Variants in CHD7 observed in about 807,000 individuals in gnomAD.
CHD7 encodes ATP-dependent chromatin remodeler CHD7.
CHD7 carries 24 observed loss-of-function variants against 307.3 expected under a neutral mutation model. The observed-to-expected ratio is 0.08, with a 90% confidence interval of 0.06 to 0.11. The LOEUF is 0.11. Among genes scored for constraint, CHD7 ranks in the 10% least tolerant of loss-of-function variants. The pLI, the probability that CHD7 is intolerant of heterozygous loss-of-function variation, is 1.00. For synonymous variants in CHD7, 1,363 were observed against 1,349.9 expected, an observed-to-expected ratio of 1.01 and a Z score of -0.21; for missense variants, 3,106 against 3,727.1, an observed-to-expected ratio of 0.83 and a Z score of 4.34.
intron 34 of CHD7, among the ~76,000 whole-genome samples, chr8:60,859,995 T>C (rs1431633370): frequency 6.6e-6 from 1 of 151,954 alleles, no homozygotes; most frequent in East Asian, 1.9e-4. Context: ...CATTTAGGAA[T>C]ATTGCAATAA....
chr8:60,709,052 C>A (rs1393442561), intron 1 of CHD7, among the ~76,000 whole-genome samples: 2 of 152,118 alleles, frequency 1.3e-5, no homozygotes, highest in South Asian at 2.1e-4. Context: ...TTTCCTTTTG[C>A]GGAATTCCTA....
At chr8:60,850,416 C>T in intron 25 of CHD7, 77 bp from the exon 26 acceptor site, 5 of 1,512,250 alleles carry the variant, frequency 3.3e-6, no homozygotes, top group Non-Finnish European at 4.5e-6. Flanking sequence ...TGTGTTGTGG[C>T]AGTGCTGTGA....
chr8:60,819,476 A>G (rs1803917844), intron 8 of CHD7, among the ~76,000 whole-genome samples: 1 of 152,234 alleles, frequency 6.6e-6, no homozygotes, highest in Non-Finnish European at 1.5e-5. Context: ...ATGAGGTACT[A>G]ATATTGGTTG....
At chr8:60,815,957 A>G (rs1213107473) in intron 7 of CHD7, among the ~76,000 whole-genome samples, 2 of 152,220 alleles carry the variant, frequency 1.3e-5, no homozygotes, top group African/African-American at 4.8e-5. Context: ...ATAAAAACCT[A>G]TTTCTCAATG....
chr8:60,817,536 A>T (rs193214148), intron 8 of CHD7, among the ~76,000 whole-genome samples: 1 of 152,226 alleles, frequency 6.6e-6, no homozygotes, highest in East Asian at 1.9e-4. Flanking sequence ...CTTTTACTGG[A>T]CACATGTCTG....
At chr8:60,728,211 G>A (rs1758151645) in intron 1 of CHD7, among the ~76,000 whole-genome samples, 2 of 152,264 alleles carry the variant, frequency 1.3e-5, no homozygotes, top group Non-Finnish European at 2.9e-5. Context: ...TACTCTGAAA[G>A]CTGGAACAGA....
chr8:60,729,078 G>T (rs548097081), intron 1 of CHD7, among the ~76,000 whole-genome samples: 6 of 152,204 alleles, frequency 3.9e-5, no homozygotes, highest in Non-Finnish European at 5.9e-5. Context: ...TAACCAGTTT[G>T]TATGTAGCCA....
intron 1 of CHD7, among the ~76,000 whole-genome samples, chr8:60,683,498 AAAG>A (rs988815337): frequency 5.9e-5 from 9 of 152,372 alleles, no homozygotes; most frequent in Middle Eastern, 3.4e-3. Context: ...TGCATGATAA[AAAG>A]AAGAAATAGA....
rs780602451 is a variant in CHD7 at position 60,849,164 on chromosome 8, G to A, written c.5404+10G>A. On this transcript the variant is annotated intron_variant, in intron 25 of 37. Transcript: ENST00000423902. ...GGAGTGTTCAAACATGGTAAGTGAC[G>A]TTTCTGTTTGAATACATCTCAACTG... 8.4e-6 allele frequency: 13 copies of A among 1,555,040 alleles called. No homozygotes were observed. The highest frequency in any genetic ancestry group is 1.7e-4 in the Middle Eastern group (1 of 5,982).
At chr8:60,811,155 G>T (rs566303420) in intron 7 of CHD7, among the ~76,000 whole-genome samples, 9 of 152,262 alleles carry the variant, frequency 5.9e-5, no homozygotes, top group Admixed American at 5.9e-4. Flanking sequence ...GGGGCCTCAT[G>T]ATTTATTTGA....
intron 2 of CHD7, among the ~76,000 whole-genome samples, chr8:60,772,926 C>G (rs1179129702): frequency 6.6e-6 from 1 of 152,158 alleles, no homozygotes; most frequent in Non-Finnish European, 1.5e-5. Context: ...CTAATGGGCT[C>G]ATATTTTGGT....
At chr8:60,783,406 C>T (rs960872173) in intron 3 of CHD7, among the ~76,000 whole-genome samples, 3 of 152,136 alleles carry the variant, frequency 2.0e-5, no homozygotes, top group Non-Finnish European at 2.9e-5. Flanking sequence ...AATATAGACC[C>T]TGTGTTTATC....
chr8:60,709,089 G>A (rs755523590), intron 1 of CHD7, among the ~76,000 whole-genome samples: 19 of 152,156 alleles, frequency 1.2e-4, no homozygotes, highest in East Asian at 3.9e-4. Flanking sequence ...CATTATCTAC[G>A]TTCCTGTTTT....
chr8:60,803,843 G>A (rs936271791), intron 6 of CHD7, among the ~76,000 whole-genome samples: 1 of 152,186 alleles, frequency 6.6e-6, no homozygotes, highest in Admixed American at 6.5e-5. Flanking sequence ...ATTTTTTGTG[G>A]ATTCAATCTA....
At chr8:60,787,596 TC>T (rs1238454189) in intron 3 of CHD7, among the ~76,000 whole-genome samples, 2 of 152,022 alleles carry the variant, frequency 1.3e-5, no homozygotes, top group South Asian at 2.1e-4. Flanking sequence ...CCCTTAAACT[TC>T]CATTAGAATA....
At chr8:60,805,921 T>C (rs1812518083) in intron 6 of CHD7, among the ~76,000 whole-genome samples, 1 of 152,162 alleles carries the variant, frequency 6.6e-6, no homozygotes, top group African/African-American at 2.4e-5. Flanking sequence ...GCTCAGACAT[T>C]TGAGTTCCAT....
chr8:60,854,536 T>TGC lies in CHD7; in HGVS notation c.6936+13_6936+14insGC. ...GTTTTGGCCTAAGGTTGGCAGGTTTTTGTTGCTGTTGTTTTGCTGACCAAA... is the reference window on the plus strand; with the variant it reads ...GTTTTGGCCTAAGGTTGGCAGGTTTTGCTGTTGCTGTTGTTTTGCTGACCAAA... On this transcript the variant is annotated intron_variant, in intron 32 of 37. Transcript: ENST00000423902. 1 of 1,574,800 alleles carries TGC rather than the reference T, an allele frequency of 6.4e-7. No individual in the cohort carries two copies. Among genetic ancestry groups the TGC allele is most frequent in the South Asian group, 1.2e-5 (1 of 86,142 alleles).
chr8:60,778,314 A>G (rs1811049074), intron 2 of CHD7, among the ~76,000 whole-genome samples: 1 of 152,200 alleles, frequency 6.6e-6, no homozygotes, highest in South Asian at 2.1e-4. Flanking sequence ...ATAGTACCAA[A>G]ACATAATTCT....
intron 2 of CHD7, among the ~76,000 whole-genome samples, chr8:60,743,778 A>G (rs2150582664): frequency 6.6e-6 from 1 of 152,358 alleles, no homozygotes; most frequent in South Asian, 2.1e-4. Flanking sequence ...AGTTTATCAT[A>G]TTCACAAAGA....
Sources: gnomAD v4.1 joint callset for allele counts (sites outside exome capture counted in the v4.1 genomes callset) on GRCh38, gnomAD v4.1.1 for gene constraint, MANE v1.5 for transcripts, NCBI Gene and HGNC (gene_info 2026-07-23, HGNC 2026-07-21) for gene names.